The following MTSS1 variants were observed in gnomAD, a reference collection of about 807,000 sequenced individuals.
MTSS1 encodes the protein protein MTSS 1.
In MTSS1, 18 loss-of-function variants were observed where a neutral mutation model predicts 79.0. The ratio of observed to expected loss-of-function variants is 0.23; its 90% CI spans 0.16 to 0.34. The LOEUF (loss-of-function observed/expected upper bound fraction) is 0.34. MTSS1 is among the 10% of genes least tolerant of loss of function. MTSS1 has a pLI of 1.00. For synonymous variants in MTSS1, 341 were observed against 368.6 expected (o/e 0.93, Z 0.86); for missense variants, 815 against 986.2 (o/e 0.83, Z 2.33).
At chr8:124,656,355 C>T (rs916666253) in intron 3 of MTSS1, among the ~76,000 whole-genome samples, 7 of 152,008 alleles carry the variant, frequency 4.6e-5, no homozygotes, top group African/African-American at 1.7e-4. Flanking sequence ...GCTAAATGAG[C>T]CTAAATCCAT....
chr8:124,557,548 G>A (rs1824157146), intron 11 of MTSS1, 133 bp downstream of exon 11: 1 of 976,318 alleles, frequency 1.0e-6, no homozygotes, highest in Non-Finnish European at 1.5e-6. Context: ...TCCTGAGGGA[G>A]AGGCATTATG....
At position 124,553,429 on chromosome 8, in the gene MTSS1, T is replaced by C. The variant is rs1822909276; in HGVS notation, c.1831A>G (p.Ile611Val). 1.2e-6 allele frequency: 2 copies of C among 1,606,852 alleles called. No homozygotes were observed. Among genetic ancestry groups the C allele is most frequent in the African/African-American group, 1.3e-5 (1 of 74,884 alleles). The change falls in exon 14 of 14, where the codon ATC becomes GTC. Residue 611 changes from isoleucine to valine, a missense_variant. Physicochemically the swap from Ile to Val is conservative, Grantham distance 29. Coordinates refer to ENST00000518547, the MANE Select transcript of MTSS1 (RefSeq NM_014751.6). This position sits in a 1 kb window ranked among gnomAD's most constrained non-coding sequence, Gnocchi z 6.0. ...TTGACAGGGATCACGGGTGTCTTGA[T>C]GGGGATGGGACCAGCTCCAATGGTT... ...RGTIGAGPIP[I>V]KTPVIPVKTP...
chr8:124,600,936 G>A (rs1481730244), intron 3 of MTSS1, among the ~76,000 whole-genome samples: 2 of 152,146 alleles, frequency 1.3e-5, no homozygotes, highest in African/African-American at 4.8e-5. Context: ...GGGACCGGGA[G>A]GCTCATGAAA....
chr8:124,591,329 A>C, intron 3 of MTSS1, 94 bp from the exon 4 acceptor site: 1 of 1,014,226 alleles, frequency 9.9e-7, no homozygotes. Flanking sequence ...AGATTTCACC[A>C]CATTGTAAAA....
rs966499072 is a variant in MTSS1, at chr8:124,565,695, C to A, written c.791G>T (p.Ser264Ile). ...ACTGGACTTTCTGGACATGGTGGTG[C>A]TGGGGGAAGAGGGTGGCGTCTGATA... ...WSYQTPPSSP[S>I]TTMSRKSSVC... The change falls in exon 9 of 14, where the codon AGC (serine) becomes ATC (isoleucine). Residue 264 changes from serine to isoleucine, a missense_variant. Coordinates refer to ENST00000518547, the MANE Select transcript of MTSS1 (RefSeq NM_014751.6). The A allele has an allele frequency of 6.2e-7, 1 of 1,614,054 alleles. No individual in the cohort carries two copies. The highest frequency in any genetic ancestry group is 8.5e-7 in the Non-Finnish European group (1 of 1,180,000).
chr8:124,687,071 C>T (rs1335891890), intron 3 of MTSS1, among the ~76,000 whole-genome samples: 1 of 152,186 alleles, frequency 6.6e-6, no homozygotes, highest in Non-Finnish European at 1.5e-5. Context: ...ATGCTCAAGA[C>T]CGAGGCTGGA....
At chr8:124,644,318 T>A (rs1818621398) in intron 3 of MTSS1, among the ~76,000 whole-genome samples, 2 of 152,224 alleles carry the variant, frequency 1.3e-5, no homozygotes, top group Admixed American at 6.5e-5. Context: ...GTCTTGGTTC[T>A]CCAAAGTCCC....
chr8:124,651,053 A>C (rs1202293266), intron 3 of MTSS1, among the ~76,000 whole-genome samples: 1 of 152,242 alleles, frequency 6.6e-6, no homozygotes, highest in South Asian at 2.1e-4. Flanking sequence ...GCAAGTGTTC[A>C]TTAAATGTTG....
In MTSS1 at chr8:124,679,783, C is replaced by T. The variant is rs74672018; in HGVS notation, c.208+19743G>A. Among the ~76,000 whole-genome samples the T allele has an allele frequency of 5.9e-3, 892 of 152,302 alleles. 15 individuals are homozygous for T. Among genetic ancestry groups the T allele is most frequent in the African/African-American group, 0.019 (805 of 41,550 alleles). ...ATAGTATATGGGAATCTCAAAATTTCGCATGCATTTGCAACAAGGTCTAGG... is the reference window on the plus strand; with the variant it reads ...ATAGTATATGGGAATCTCAAAATTTTGCATGCATTTGCAACAAGGTCTAGG... On this transcript the variant is annotated intron_variant, in intron 3 of 13. Transcript: ENST00000518547.
chr8:124,558,382 T>C (rs994539100), intron 10 of MTSS1, among the ~76,000 whole-genome samples: 3 of 151,936 alleles, frequency 2.0e-5, no homozygotes. Flanking sequence ...CACAGTGACA[T>C]GGCTCATCCA....
At position 124,604,600 on chromosome 8, in the gene MTSS1, T is replaced by G. The variant is rs73341858; in HGVS notation, c.209-13365A>C. Among the ~76,000 whole-genome samples, 315 of 152,306 alleles carry G rather than the reference T, an allele frequency of 2.1e-3. 2 individuals carry two copies. The highest frequency in any genetic ancestry group is 7.3e-3 in the African/African-American group (305 of 41,564). ...TGCAGAAAATTTCCTGTGTGGTTTT[T>G]TTTTTAAAAAACCTGTTTTATTCAG... On this transcript the variant is annotated intron_variant, in intron 3 of 13. Transcript: ENST00000518547.
intron 3 of MTSS1, among the ~76,000 whole-genome samples, chr8:124,596,830 C>T (rs1301417638): frequency 6.6e-6 from 1 of 152,122 alleles, no homozygotes; most frequent in African/African-American, 2.4e-5. Flanking sequence ...GCTAGGCTCA[C>T]GGCCTGTGTG....
chr8:124,627,815 T>A (rs1035158984), intron 3 of MTSS1, among the ~76,000 whole-genome samples: 1 of 152,228 alleles, frequency 6.6e-6, no homozygotes, highest in Non-Finnish European at 1.5e-5. Context: ...CAGTGTGAAC[T>A]GCGCTTTAGA....
At chr8:124,702,254 C>T (rs1457240200) in intron 2 of MTSS1, among the ~76,000 whole-genome samples, 2 of 152,142 alleles carry the variant, frequency 1.3e-5, no homozygotes. Context: ...GGAGACCTCC[C>T]ACAGGATAAA....
chr8:124,581,987 T>C (rs1378265679), intron 6 of MTSS1, among the ~76,000 whole-genome samples: 1 of 152,084 alleles, frequency 6.6e-6, no homozygotes, highest in Non-Finnish European at 1.5e-5. Flanking sequence ...GTTCAGAGCC[T>C]GGGGTTACTG....
intron 3 of MTSS1, among the ~76,000 whole-genome samples, chr8:124,620,734 T>C (rs112298814): frequency 0.016 from 2,462 of 152,278 alleles, 60 homozygotes; most frequent in African/African-American, 0.056. Context: ...AATGGCTATC[T>C]TGTTAACATA....
In MTSS1 at chr8:124,553,589, G is replaced by C. The variant is rs752148531; in HGVS notation, c.1671C>G (p.Ser557=). The C allele has an allele frequency of 2.2e-5, 35 of 1,614,208 alleles. No individual in the cohort carries two copies. Among genetic ancestry groups the C allele is most frequent in the Non-Finnish European group, 2.6e-5 (31 of 1,180,034 alleles). Residue 557 remains serine (S), a synonymous_variant, in exon 14 of 14, where the codon TCC becomes TCG. Transcript: ENST00000518547. The surrounding 1 kb of genome is among the most constrained non-coding windows in gnomAD (Gnocchi z 6.0). Reference sequence around the variant, plus strand: ...GCTTGGCTTGGAACATCCGTCGGTAGGACTGGCTGATGTCGCTGTTTCTTG... The same window carrying C: ...GCTTGGCTTGGAACATCCGTCGGTACGACTGGCTGATGTCGCTGTTTCTTG... ...TIPRNSDISQ[S]YRRMFQAKRP...
chr8:124,727,752 G>C lies in MTSS1; in HGVS notation c.72+132C>G. ...CGGGTGAGCAGGTGACACTCCGGCC[G>C]GGAGCTCCCGCAGGTGGCCGGTGGC... On this transcript the variant is annotated intron_variant, in intron 1 of 13. Transcript: ENST00000518547. The surrounding 1 kb of genome is among the most constrained non-coding windows in gnomAD (Gnocchi z 4.7). The C allele has an allele frequency of 1.3e-6, 1 of 758,730 alleles. No individual in the cohort carries two copies. The highest frequency in any genetic ancestry group is 3.1e-5 in the East Asian group (1 of 32,302). 47.0% of individuals were successfully genotyped at this position (758,730 alleles called of 1,614,324 possible).
chr8:124,607,341 A>T (rs1293515108), intron 3 of MTSS1, among the ~76,000 whole-genome samples: 1 of 152,206 alleles, frequency 6.6e-6, no homozygotes, highest in Admixed American at 6.5e-5. Context: ...GGCCAAACTC[A>T]TCTGGGGTCA....
Sources: allele counts gnomAD v4.1 joint callset (sites outside exome capture counted in the v4.1 genomes callset), GRCh38; gene constraint gnomAD v4.1.1; non-coding constraint Gnocchi (gnomAD v3.1); transcripts MANE v1.5; gene names NCBI Gene and HGNC (gene_info 2026-07-23, HGNC 2026-07-21).